The following PTCHD4 variants were observed in gnomAD, a reference collection of about 807,000 sequenced individuals.
PTCHD4 encodes the protein patched domain containing 4, also known as patched domain-containing protein 4.
PTCHD4 carries 33 observed loss-of-function variants against 58.1 expected under a neutral mutation model. That is an observed-to-expected ratio of 0.57 (90% CI 0.43 to 0.76). The LOEUF is 0.76. Ranked by LOEUF, PTCHD4 falls within the 30% of genes least tolerant of loss-of-function variation. The probability of loss-of-function intolerance (pLI) is 0.00; values close to 1 mark genes in which losing one functional copy is unlikely to be tolerated. For synonymous variants in PTCHD4, 478 were observed against 409.6 expected, an observed-to-expected ratio of 1.17 and a Z score of -2.02; for missense variants, 1,058 against 1,027.1, an observed-to-expected ratio of 1.03 and a Z score of -0.41.
chr6:47,974,603 C>T (rs1273489798), intron 4 of PTCHD4, among the ~76,000 whole-genome samples: 1 of 152,104 alleles, frequency 6.6e-6, no homozygotes, highest in Non-Finnish European at 1.5e-5. Context: ...CCTCCTGTCC[C>T]AACAATCAAA....
chr6:47,875,165 C>T lies in PTCHD4; in HGVS notation c.*3138G>A, dbSNP rs1225756666. ...ATATTACACAAAGCTAACATATTTC[C>T]CACAAATTTCTTCTCTTCTAGGAGT... On this transcript the variant is annotated 3_prime_UTR_variant, in exon 5 of 5. Transcript: ENST00000339488. Among the ~76,000 whole-genome samples the T allele has an allele frequency of 1.3e-5, 2 of 151,766 alleles. No homozygotes were observed. The highest frequency in any genetic ancestry group is 1.3e-4 in the Admixed American group (2 of 15,198).
intron 4 of PTCHD4, among the ~76,000 whole-genome samples, chr6:48,007,929 C>T (rs1014344960): frequency 9.7e-4 from 38 of 39,298 alleles, no homozygotes; most frequent in South Asian, 3.2e-3. Flanking sequence ...AGAATATGTG[C>T]GCGCGCGCAC....
Position 47,858,482 on chromosome 6 carries a change from C to G in PTCHD4, c.*19821G>C, listed in dbSNP as rs1047893060. 6.6e-6 allele frequency among the ~76,000 whole-genome samples: 1 copy of G among 152,028 alleles called. No homozygotes were observed. The highest frequency in any genetic ancestry group is 1.5e-5 in the Non-Finnish European group (1 of 67,972). The stretch of plus-strand genomic sequence containing the variant: ...GTTATCACATCTCCCAAACAACTAT[C>G]ATTTATGATACTTTCAGAAGACTTT... On this transcript the variant is annotated 3_prime_UTR_variant, in exon 5 of 5. Coordinates refer to ENST00000339488, the MANE Select transcript of PTCHD4 (RefSeq NM_001384253.1).
chr6:48,092,437 A>G (rs893170981), intron 1 of PTCHD4, among the ~76,000 whole-genome samples: 1 of 152,184 alleles, frequency 6.6e-6, no homozygotes, highest in Non-Finnish European at 1.5e-5. Flanking sequence ...AGGTATTAAG[A>G]TGAGAGAATA....
chr6:47,929,084 T>C (rs1267207223), intron 4 of PTCHD4, among the ~76,000 whole-genome samples: 3 of 152,186 alleles, frequency 2.0e-5, no homozygotes, highest in Admixed American at 1.3e-4. Flanking sequence ...CATACATTGG[T>C]ATCTAATATT....
intron 4 of PTCHD4, among the ~76,000 whole-genome samples, chr6:47,947,828 A>G (rs1459727508): frequency 6.6e-6 from 1 of 152,076 alleles, no homozygotes; most frequent in East Asian, 1.9e-4. Context: ...AAATTCTGGA[A>G]TAGTCTTAGT....
chr6:47,984,190 G>A (rs2114017129), intron 4 of PTCHD4, among the ~76,000 whole-genome samples: 1 of 152,206 alleles, frequency 6.6e-6, no homozygotes, highest in East Asian at 1.9e-4. Flanking sequence ...CAAATCTAAT[G>A]TATTAGTATG....
intron 1 of PTCHD4, among the ~76,000 whole-genome samples, chr6:48,087,582 T>C (rs981678568): frequency 2.0e-5 from 3 of 152,216 alleles, no homozygotes; most frequent in African/African-American, 7.2e-5. Flanking sequence ...GCAGTAATCA[T>C]TGTTACAGGG....
chr6:47,901,875 TCTC>T (rs1561947629), intron 4 of PTCHD4: 4 of 1,303,492 alleles, frequency 3.1e-6, no homozygotes, highest in Middle Eastern at 2.1e-4. Context: ...TCCTTCCTTC[TCTC>T]CTTTCTTTCT....
chr6:47,947,672 C>T (rs1406341435), intron 4 of PTCHD4, among the ~76,000 whole-genome samples: 1 of 151,732 alleles, frequency 6.6e-6, no homozygotes, highest in East Asian at 1.9e-4. Flanking sequence ...ATTGGGTGTT[C>T]TTTTCCTCTC....
Position 47,879,134 on chromosome 6 carries a change from G to A in PTCHD4, c.1701C>T (p.Asp567=), listed in dbSNP as rs1763938536. ...ATGAGCTTTGCAGGACACTGATGAA[G>A]TCACTTTTGTTATTGGCACTGACGT... ...VSNVSANNKS[D]FISVLQSSFL... The change falls in exon 5 of 5, where the codon GAC becomes GAT. Residue 567 remains aspartate, a synonymous_variant. Coordinates refer to ENST00000339488, the MANE Select transcript of PTCHD4 (RefSeq NM_001384253.1). 6.2e-7 allele frequency: 1 copy of A among 1,612,170 alleles called. No individual in the cohort carries two copies.
chr6:47,882,275 A>T (rs1764039779), intron 4 of PTCHD4, among the ~76,000 whole-genome samples: 1 of 152,060 alleles, frequency 6.6e-6, no homozygotes, highest in Non-Finnish European at 1.5e-5. Context: ...ATTTTTATGG[A>T]ACATTAGGTA....
At chr6:48,050,146 A>T (rs1174499102) in intron 3 of PTCHD4, among the ~76,000 whole-genome samples, 2 of 152,014 alleles carry the variant, frequency 1.3e-5, no homozygotes, top group Non-Finnish European at 2.9e-5. Context: ...GTTTTATAAT[A>T]GAGAAGTGTC....
At chr6:47,880,573 C>A (rs1381365107) in intron 4 of PTCHD4, among the ~76,000 whole-genome samples, 1 of 151,882 alleles carries the variant, frequency 6.6e-6, no homozygotes, top group African/African-American at 2.4e-5. Flanking sequence ...CAGGGCAAGA[C>A]CTTCGGGGTG....
chr6:47,917,455 G>T (rs1343580019), intron 4 of PTCHD4, among the ~76,000 whole-genome samples: 1 of 152,086 alleles, frequency 6.6e-6, no homozygotes, highest in Non-Finnish European at 1.5e-5. Context: ...TTACTAAGTA[G>T]GTAGATGCTC....
chr6:47,879,877 A>G lies in PTCHD4; in HGVS notation c.958T>C (p.Leu320=). The change falls in exon 5 of 5, where the codon TTG becomes CTG. Residue 320 remains leucine (L), a synonymous_variant. Transcript: ENST00000339488. ...LSGWRRTKEN[L]PFKDRIADAY... ...TCTGCTATCCTGTCTTTGAAGGGCA[A>G]GTTCTCTTTGGTTCTCCGCCATCCG... The G allele has an allele frequency of 3.1e-6, 5 of 1,596,100 alleles. No homozygotes were observed. The highest frequency in any genetic ancestry group is 4.3e-6 in the Non-Finnish European group (5 of 1,170,672).
chr6:47,961,381 T>C (rs1384539414), intron 4 of PTCHD4, among the ~76,000 whole-genome samples: 2 of 151,880 alleles, frequency 1.3e-5, no homozygotes, highest in Non-Finnish European at 2.9e-5. Flanking sequence ...AACCTCCACC[T>C]CCCAGGTTCA....
At chr6:48,066,358 CA>C (rs1285800129) in intron 3 of PTCHD4, among the ~76,000 whole-genome samples, 2 of 152,094 alleles carry the variant, frequency 1.3e-5, no homozygotes, top group African/African-American at 4.8e-5. Context: ...AAAAATTTTA[CA>C]CCTGGAGGAT....
Position 47,888,758 on chromosome 6 carries a change from T to C in PTCHD4, c.899-8822A>G, listed in dbSNP as rs1764278751. On this transcript the variant is annotated intron_variant, in intron 4 of 4. Transcript: ENST00000339488. Reference sequence around the variant, plus strand: ...TGCCATGCTGGTGCACTGCACCCACTAACTCGTCATCTAGCATTAGGTATA... The same window carrying C: ...TGCCATGCTGGTGCACTGCACCCACCAACTCGTCATCTAGCATTAGGTATA... Among the ~76,000 whole-genome samples the C allele has an allele frequency of 3.4e-5, 5 of 146,826 alleles. No individual in the cohort carries two copies. In the South Asian group the frequency reaches 1.1e-3, roughly 33 times the overall value.
Sources: allele counts gnomAD v4.1 joint callset (sites outside exome capture counted in the v4.1 genomes callset), GRCh38; gene constraint gnomAD v4.1.1; transcripts MANE v1.5; gene names NCBI Gene and HGNC (gene_info 2026-07-23, HGNC 2026-07-21).